The following COP1 variants were observed in gnomAD, a reference collection of about 807,000 sequenced individuals.
COP1 encodes the protein COP1 E3 ubiquitin ligase.
COP1 carries 24 observed loss-of-function variants against 101.3 expected under a neutral mutation model. The ratio of observed to expected loss-of-function variants is 0.24; its 90% confidence interval spans 0.17 to 0.33. The LOEUF (loss-of-function observed/expected upper bound fraction) is 0.33, where lower values mean the gene tolerates loss of function less well. Ranked by LOEUF, COP1 falls within the 10% of genes least tolerant of loss-of-function variation. COP1 has a pLI of 1.00. For synonymous variants in COP1, 347 were observed against 341.9 expected (o/e 1.01, Z -0.17); for missense variants, 663 against 906.2 (o/e 0.73, Z 3.45).
chr1:176,137,397 G>A (rs1329930884), intron 6 of COP1, among the ~76,000 whole-genome samples: 1 of 152,032 alleles, frequency 6.6e-6, no homozygotes, highest in Non-Finnish European at 1.5e-5. Flanking sequence ...ATTTTATTGA[G>A]AGTATTAAAA....
intron 9 of COP1, among the ~76,000 whole-genome samples, chr1:176,087,933 G>A (rs1029584538): frequency 6.6e-6 from 1 of 152,102 alleles, no homozygotes; most frequent in Non-Finnish European, 1.5e-5. Flanking sequence ...CCATAAAAAA[G>A]GATGAGTTCA....
chr1:176,023,122 A>G (rs915954521), intron 15 of COP1, among the ~76,000 whole-genome samples: 2 of 152,322 alleles, frequency 1.3e-5, no homozygotes, highest in Middle Eastern at 3.4e-3. Context: ...TAGCTGAGAA[A>G]TAACAGCTCT....
chr1:176,065,954 C>T (rs1457919593), intron 11 of COP1, among the ~76,000 whole-genome samples: 1 of 152,054 alleles, frequency 6.6e-6, no homozygotes, highest in Non-Finnish European at 1.5e-5. Context: ...TGACCTCAAA[C>T]TCCTGACCTC....
intron 1 of COP1, among the ~76,000 whole-genome samples, chr1:176,204,458 A>T (rs773563106): frequency 1.3e-5 from 2 of 152,148 alleles, no homozygotes; most frequent in African/African-American, 4.8e-5. Context: ...GGGGGAAAAA[A>T]AAAGAAAAAA....
At chr1:176,110,338 C>T (rs1273951441) in intron 9 of COP1, among the ~76,000 whole-genome samples, 1 of 152,076 alleles carries the variant, frequency 6.6e-6, no homozygotes, top group Non-Finnish European at 1.5e-5. Context: ...AGTTCTTTTA[C>T]CTCATCTTCT....
chr1:176,127,103 T>C (rs975382186), intron 8 of COP1, among the ~76,000 whole-genome samples: 5 of 152,186 alleles, frequency 3.3e-5, no homozygotes, highest in African/African-American at 1.2e-4. Context: ...TTAATTGACA[T>C]AATAATTGTG....
chr1:176,194,620 G>C (rs1344312763), intron 1 of COP1, among the ~76,000 whole-genome samples: 1 of 151,060 alleles, frequency 6.6e-6, no homozygotes, highest in Non-Finnish European at 1.5e-5. Context: ...CCTGGCGACA[G>C]AGCAAGACTC....
intron 8 of COP1, among the ~76,000 whole-genome samples, chr1:176,129,741 A>G (rs185212051): frequency 6.6e-6 from 1 of 151,982 alleles, no homozygotes; most frequent in Non-Finnish European, 1.5e-5. Flanking sequence ...CCATTCCAAA[A>G]TTCCTTAAAG....
At position 176,206,935 on chromosome 1, in the gene COP1, C is replaced by T. The variant is rs528847290; in HGVS notation, c.44G>A (p.Ser15Asn). The T allele has an allele frequency of 4.5e-5, 66 of 1,459,314 alleles. No homozygotes were observed. In the African/African-American group the frequency reaches 7.9e-4, roughly 17 times the overall value. 90.4% of individuals were successfully genotyped at this position (1,459,314 alleles called of 1,614,324 possible). A position where few individuals can be genotyped will look rare whatever the true frequency, so the allele number is the denominator to read the frequency against. ...CGAGGAGGCCGCCGAGGACCCGGGG[C>T]TTGTCCCAGCGGAGCCCGACCCGGC... ...RQAGSGSAGT[S>N]PGSSAASSVT... The change falls in exon 1 of 20, where the codon AGC becomes AAC. Residue 15 changes from serine (S) to asparagine (N), a missense_variant. Physicochemically the swap from Ser to Asn is conservative, Grantham distance 46. Transcript: ENST00000367669.
intron 9 of COP1, among the ~76,000 whole-genome samples, chr1:176,109,047 G>A (rs1684832252): frequency 6.6e-6 from 1 of 152,092 alleles, no homozygotes. Flanking sequence ...GGGAGGTGGA[G>A]GTTGCAGTGA....
chr1:175,966,646 G>A lies in COP1; in HGVS notation c.2134-19407C>T, dbSNP rs370599718. Among the ~76,000 whole-genome samples, 498 of 152,310 alleles carry A rather than the reference G, an allele frequency of 3.3e-3. 1 individual carries two copies. The highest frequency in any genetic ancestry group is 0.026 in the South Asian group (127 of 4,830). ...ATTTATTAAAGCAAAATGGAAGAAA[G>A]AAGAAAGGTGTCTTGGGTGGTCACT... is the stretch of plus-strand genomic sequence containing the variant. On this transcript the variant is annotated intron_variant, in intron 18 of 19. Coordinates refer to ENST00000367669, the MANE Select transcript of COP1 (RefSeq NM_022457.7).
intron 1 of COP1, among the ~76,000 whole-genome samples, chr1:176,193,342 A>T (rs1264830352): frequency 1.3e-5 from 2 of 152,208 alleles, no homozygotes; most frequent in Admixed American, 6.5e-5. Flanking sequence ...TAATGCAGCT[A>T]CTATGGAAAA....
chr1:176,160,743 G>A (rs1488083274), intron 5 of COP1, among the ~76,000 whole-genome samples: 1 of 152,124 alleles, frequency 6.6e-6, no homozygotes, highest in Non-Finnish European at 1.5e-5. Flanking sequence ...ACATCAGTCT[G>A]AATGGCAATT....
chr1:175,968,529 G>A (rs1273545692), intron 18 of COP1: 1 of 517,750 alleles, frequency 1.9e-6, no homozygotes, highest in South Asian at 1.4e-5. Context: ...GCTGGTTCCA[G>A]CAGCTTCCAT....
chr1:176,057,366 G>T (rs916014264), intron 11 of COP1, among the ~76,000 whole-genome samples: 1 of 151,712 alleles, frequency 6.6e-6, no homozygotes, highest in Non-Finnish European at 1.5e-5. Context: ...CTCTTTCCAC[G>T]ATCTCCCTCT....
At chr1:176,176,942 C>T (rs913357598) in intron 2 of COP1, among the ~76,000 whole-genome samples, 1 of 152,036 alleles carries the variant, frequency 6.6e-6, no homozygotes, top group Non-Finnish European at 1.5e-5. Context: ...GCAGGAAAAA[C>T]CTTAAGGTTT....
intron 14 of COP1, among the ~76,000 whole-genome samples, chr1:176,042,853 A>G (rs543487296): frequency 5.1e-4 from 77 of 151,050 alleles, no homozygotes; most frequent in Admixed American, 1.5e-3. Context: ...ACATGTTGAA[A>G]CCCCATCTCT....
intron 9 of COP1, among the ~76,000 whole-genome samples, chr1:176,110,356 T>C (rs1370533460): frequency 6.6e-6 from 1 of 152,216 alleles, no homozygotes; most frequent in Non-Finnish European, 1.5e-5. Flanking sequence ...TCTATTTTTA[T>C]CTCCCTTGTT....
rs1672750068 is a variant in COP1 at position 176,052,543 on chromosome 1, T to C, written c.1278-6219A>G. On this transcript the variant is annotated intron_variant, in intron 11 of 19. Coordinates refer to ENST00000367669, the MANE Select transcript of COP1 (RefSeq NM_022457.7). Reference sequence around the variant, plus strand: ...ATAATTCTCCCCATTTACTACTATGTAAAATTCAGACTCCAACTATTACTG... The same window carrying C: ...ATAATTCTCCCCATTTACTACTATGCAAAATTCAGACTCCAACTATTACTG... Among the ~76,000 whole-genome samples, 3 of 152,156 alleles carry C rather than the reference T, an allele frequency of 2.0e-5. No homozygotes were observed. In the South Asian group the frequency reaches 6.2e-4, roughly 32 times the overall value.
Sources: gnomAD v4.1 joint callset for allele counts (sites outside exome capture counted in the v4.1 genomes callset) on GRCh38, gnomAD v4.1.1 for gene constraint, MANE v1.5 for transcripts, NCBI Gene and HGNC (gene_info 2026-07-23, HGNC 2026-07-21) for gene names.